ADGB: variants seen among roughly 807,000 people sequenced by gnomAD.
ADGB encodes calpain-7-like protein.
In ADGB, 172 loss-of-function variants were observed where a neutral mutation model predicts 210.5. That is an observed-to-expected ratio of 0.82 (90% confidence interval 0.72 to 0.93). The LOEUF is 0.93. Ranked by LOEUF, ADGB falls within the 40% of genes least tolerant of loss-of-function variation. ADGB has a pLI of 0.00. For synonymous variants in ADGB, 658 were observed against 662.7 expected (o/e 0.99, Z 0.11); for missense variants, 2,025 against 1,964.8 (o/e 1.03, Z -0.58).
At chr6:146,803,303 G>A (rs1583647144) in intron 35 of ADGB, 1 of 1,606,996 alleles carries the variant, frequency 6.2e-7, no homozygotes. Flanking sequence ...TTGATGATGG[G>A]CTTTCTGTCT....
rs1554250244 is a variant in ADGB at position 146,752,715 on chromosome 6, G to A, written c.3550+1G>A. On this transcript the variant is annotated splice_donor_variant, in intron 27 of 35. Coordinates refer to ENST00000397944, the MANE Select transcript of ADGB (RefSeq NM_024694.4). LOFTEE classifies it high-confidence loss of function. ...AGTGAGAAAGGTTTGAGCTCCCAGT[G>A]TAAGTGTACCTTTATGAACAGGATA... 6.5e-7 allele frequency: 1 copy of A among 1,547,456 alleles called. No homozygotes were observed. The highest frequency in any genetic ancestry group is 1.2e-5 in the South Asian group (1 of 83,438).
intron 32 of ADGB, among the ~76,000 whole-genome samples, chr6:146,787,304 T>C (rs1318956167): frequency 6.6e-6 from 1 of 152,182 alleles, no homozygotes; most frequent in African/African-American, 2.4e-5. Flanking sequence ...GTCCTCCTCG[T>C]TTGTTTCCAA....
At chr6:146,756,472 CTG>C (rs141563979) in intron 27 of ADGB, among the ~76,000 whole-genome samples, 9,443 of 152,060 alleles carry the variant, frequency 0.062, 979 homozygotes, top group African/African-American at 0.21. Context: ...TGAAATCTCT[CTG>C]TGTTTTTCAT....
At chr6:146,724,390 A>G in intron 18 of ADGB, 63 bp downstream of exon 18, 1 of 1,454,434 alleles carries the variant, frequency 6.9e-7, no homozygotes, top group Non-Finnish European at 9.1e-7. Flanking sequence ...ATTGTTGGTT[A>G]CTAAAGAAGT....
chr6:146,657,683 C>G (rs1775804437), intron 5 of ADGB, among the ~76,000 whole-genome samples: 1 of 152,172 alleles, frequency 6.6e-6, no homozygotes, highest in Non-Finnish European at 1.5e-5. Context: ...GATGTGGTAT[C>G]AGGGTCATGG....
chr6:146,706,862 T>A (rs1258249511), intron 13 of ADGB, among the ~76,000 whole-genome samples: 9 of 140,088 alleles, frequency 6.4e-5, no homozygotes, highest in Admixed American at 6.3e-4. Context: ...TTTTTTTTTT[T>A]ACTTTTCTTG....
intron 23 of ADGB, among the ~76,000 whole-genome samples, chr6:146,739,803 C>A (rs1777136945): frequency 6.6e-6 from 1 of 152,138 alleles, no homozygotes. Context: ...CAGTTTCTGG[C>A]AGAATAGGAG....
chr6:146,675,412 C>T (rs1776071305), intron 8 of ADGB, among the ~76,000 whole-genome samples: 1 of 151,872 alleles, frequency 6.6e-6, no homozygotes, highest in Non-Finnish European at 1.5e-5. Context: ...GAGGTCAATG[C>T]TGCAGTGAGC....
chr6:146,740,759 A>G (rs1049775844), intron 24 of ADGB, among the ~76,000 whole-genome samples, 166 bp downstream of exon 24: 1 of 152,162 alleles, frequency 6.6e-6, no homozygotes, highest in East Asian at 1.9e-4. Flanking sequence ...AGAAATTTTT[A>G]TCTATTCTTT....
At chr6:146,711,099 C>T (rs1776650750) in intron 13 of ADGB, among the ~76,000 whole-genome samples, 1 of 152,184 alleles carries the variant, frequency 6.6e-6, no homozygotes, top group Admixed American at 6.5e-5. Context: ...TCTACACTTT[C>T]CCCTGTCTTC....
At chr6:146,806,017 AGTTT>A (rs1054032163) in intron 35 of ADGB, among the ~76,000 whole-genome samples, 6 of 152,178 alleles carry the variant, frequency 3.9e-5, no homozygotes, top group Non-Finnish European at 8.8e-5. Context: ...GTTTTGCAAA[AGTTT>A]GTTTGATTAA....
At chr6:146,811,318 C>G (rs259374) in intron 35 of ADGB, among the ~76,000 whole-genome samples, 26,997 of 152,056 alleles carry the variant, frequency 0.18, 2,674 homozygotes, top group Middle Eastern at 0.22. Flanking sequence ...AGAATCTCTT[C>G]AAGTCACTGG....
intron 35 of ADGB, among the ~76,000 whole-genome samples, chr6:146,806,245 A>G (rs1778210129): frequency 6.6e-6 from 1 of 152,246 alleles, no homozygotes; most frequent in South Asian, 2.1e-4. Context: ...TGTGAGAGGC[A>G]CAGAGAGAGC....
intron 8 of ADGB, among the ~76,000 whole-genome samples, chr6:146,674,358 T>G (rs1023607750): frequency 5.3e-5 from 8 of 150,386 alleles, no homozygotes; most frequent in African/African-American, 1.5e-4. Context: ...GAAAATTGGT[T>G]TTTTTTTTTA....
chr6:146,682,725 C>A (rs896321232), intron 9 of ADGB, among the ~76,000 whole-genome samples: 3 of 151,932 alleles, frequency 2.0e-5, no homozygotes, highest in African/African-American at 7.3e-5. Flanking sequence ...ATGGGTGTTC[C>A]AATATTGCAG....
intron 33 of ADGB, among the ~76,000 whole-genome samples, chr6:146,790,800 TACC>T (rs1777944479): frequency 6.6e-6 from 1 of 152,210 alleles, no homozygotes; most frequent in African/African-American, 2.4e-5. Flanking sequence ...TAATTCCCAG[TACC>T]ACCAAAGTGT....
rs149867700 is a variant in ADGB at position 146,803,147 on chromosome 6, T to C, written c.4818+1136T>C. On this transcript the variant is annotated intron_variant, in intron 35 of 35. Transcript: ENST00000397944. ...AATCTACCACAACGCCAAGATCTTC[T>C]ATCCTCAACAAATAAGCTACAAGTT... 2,945 of 1,487,372 alleles carry C rather than the reference T, an allele frequency of 2.0e-3. 40 individuals carry two copies. The African/African-American group carries it at 0.029, about 14-fold the overall frequency. The allele number at this position is 1,487,372 out of a possible 1,614,324, so 92.1% of individuals were successfully genotyped here.
intron 35 of ADGB, 36 bp downstream of exon 35, chr6:146,802,047 C>G (rs1778143635): frequency 1.5e-6 from 2 of 1,348,050 alleles, no homozygotes; most frequent in East Asian, 3.0e-5. Context: ...TTATAGTTGG[C>G]AAATTCTTTC....
intron 26 of ADGB, among the ~76,000 whole-genome samples, chr6:146,751,060 C>A (rs1434527053): frequency 6.6e-6 from 1 of 152,030 alleles, no homozygotes; most frequent in Non-Finnish European, 1.5e-5. Flanking sequence ...GTTTGCTGCA[C>A]CTATCAAACC....
Sources: gnomAD v4.1 joint callset for allele counts (sites outside exome capture counted in the v4.1 genomes callset) on GRCh38, gnomAD v4.1.1 for gene constraint, MANE v1.5 for transcripts, NCBI Gene and HGNC (gene_info 2026-07-23, HGNC 2026-07-21) for gene names.